CTNNA1: variants seen among roughly 807,000 people sequenced by gnomAD.
The protein encoded by CTNNA1 is catenin alpha 1.
In CTNNA1, 37 loss-of-function variants were observed where a neutral mutation model predicts 98.4. The observed-to-expected ratio is 0.38, with a 90% CI of 0.29 to 0.49. CTNNA1 has a LOEUF of 0.49. Among genes scored for constraint, CTNNA1 ranks in the 20% least tolerant of loss-of-function variants. The pLI is 0.95. For missense variants in CTNNA1, 761 were observed against 1,147.2 expected, an observed-to-expected ratio of 0.66 and a Z score of 4.86; for synonymous variants, 404 against 413.2, an observed-to-expected ratio of 0.98 and a Z score of 0.27.
intron 9 of CTNNA1, among the ~76,000 whole-genome samples, chr5:138,897,505 G>C (rs756634419): frequency 1.3e-5 from 2 of 152,134 alleles, no homozygotes; most frequent in African/African-American, 2.4e-5. Flanking sequence ...ACACTGACCT[G>C]ACGTGACTAC....
At chr5:138,786,879 T>G (rs1018605234) in intron 3 of CTNNA1, among the ~76,000 whole-genome samples, 9 of 152,218 alleles carry the variant, frequency 5.9e-5, no homozygotes, top group Admixed American at 3.9e-4. Context: ...TCTTGGAATT[T>G]CTTAGGCAGC....
intron 11 of CTNNA1, 52 bp downstream of exon 11, chr5:138,917,950 T>C (rs1467755454): frequency 1.3e-6 from 2 of 1,579,486 alleles, no homozygotes; most frequent in Non-Finnish European, 1.7e-6. Context: ...TAATTACTTT[T>C]GTCTAAGTTG....
At chr5:138,787,271 A>T (rs1755811532) in intron 3 of CTNNA1, among the ~76,000 whole-genome samples, 1 of 152,234 alleles carries the variant, frequency 6.6e-6, no homozygotes. Context: ...TCTACTAAAA[A>T]TACAAAAAAT....
chr5:138,758,305 C>T (rs980921977), intron 1 of CTNNA1, among the ~76,000 whole-genome samples: 10 of 150,468 alleles, frequency 6.6e-5, no homozygotes, highest in Admixed American at 3.3e-4. Flanking sequence ...GGGTTCATGC[C>T]GTTCTCCTGC....
At chr5:138,900,178 T>C (rs749319101) in intron 9 of CTNNA1, among the ~76,000 whole-genome samples, 1 of 152,232 alleles carries the variant, frequency 6.6e-6, no homozygotes, top group Non-Finnish European at 1.5e-5. Context: ...TTTATTGTTA[T>C]TTTTGACTTT....
At chr5:138,823,466 C>T (rs77626370) in intron 5 of CTNNA1, among the ~76,000 whole-genome samples, 2,403 of 152,256 alleles carry the variant, frequency 0.016, 33 homozygotes, top group Non-Finnish European at 0.023. Flanking sequence ...AACTTTATGG[C>T]TTACTGACCT....
intron 7 of CTNNA1, among the ~76,000 whole-genome samples, chr5:138,842,124 A>T (rs1762323357): frequency 6.6e-6 from 1 of 152,016 alleles, no homozygotes; most frequent in Admixed American, 6.6e-5. Context: ...ACATGGCAAA[A>T]CTCTATCTCT....
At chr5:138,852,133 C>T (rs929644376) in intron 7 of CTNNA1, among the ~76,000 whole-genome samples, 1 of 152,040 alleles carries the variant, frequency 6.6e-6, no homozygotes, top group African/African-American at 2.4e-5. Flanking sequence ...ATTAGTAGTG[C>T]TATAGTTCTG....
intron 13 of CTNNA1, among the ~76,000 whole-genome samples, chr5:138,928,195 C>A (rs1764539521): frequency 6.6e-6 from 1 of 152,230 alleles, no homozygotes; most frequent in South Asian, 2.1e-4. Flanking sequence ...AGCGCCAACC[C>A]CAGCTGTTCT....
intron 5 of CTNNA1, among the ~76,000 whole-genome samples, chr5:138,815,211 T>C (rs1472233199): frequency 1.3e-5 from 2 of 152,202 alleles, no homozygotes; most frequent in Non-Finnish European, 2.9e-5. Context: ...CTTATGTATT[T>C]TTTTCATGTG....
intron 11 of CTNNA1, among the ~76,000 whole-genome samples, chr5:138,922,928 A>G (rs1763212204): frequency 7.3e-6 from 1 of 136,662 alleles, no homozygotes; most frequent in Admixed American, 7.1e-5. Context: ...GTCTAAATGG[A>G]TTAAAAAAAA....
chr5:138,813,497 C>T (rs1759062242), intron 5 of CTNNA1, among the ~76,000 whole-genome samples: 1 of 152,176 alleles, frequency 6.6e-6, no homozygotes, highest in South Asian at 2.1e-4. Flanking sequence ...AAACACCCGA[C>T]AAAAGGTCTG....
intron 1 of CTNNA1, among the ~76,000 whole-genome samples, chr5:138,755,439 A>C (rs999564574): frequency 3.9e-5 from 6 of 152,008 alleles, no homozygotes; most frequent in Non-Finnish European, 8.8e-5. Flanking sequence ...CTTTTGACTC[A>C]TCTCAGTTTC....
chr5:138,803,356 A>G (rs79799962), intron 3 of CTNNA1, among the ~76,000 whole-genome samples: 64 of 152,036 alleles, frequency 4.2e-4, no homozygotes, highest in African/African-American at 1.2e-3. Context: ...AGGTCTCACA[A>G]TGTTACGTAG....
At chr5:138,861,694 A>G (rs1057119374) in intron 7 of CTNNA1, among the ~76,000 whole-genome samples, 3 of 152,220 alleles carry the variant, frequency 2.0e-5, no homozygotes, top group African/African-American at 7.2e-5. Flanking sequence ...TAAAAAGGGT[A>G]CGTCTTAAAT....
intron 1 of CTNNA1, among the ~76,000 whole-genome samples, chr5:138,777,265 C>T (rs1488317778): frequency 1.7e-3 from 228 of 134,780 alleles, no homozygotes; most frequent in Middle Eastern, 3.7e-3. Context: ...CGATGGGCGG[C>T]CGGGCAGAGA....
At chr5:138,906,216 A>G (rs1759224584) in intron 10 of CTNNA1, among the ~76,000 whole-genome samples, 1 of 152,130 alleles carries the variant, frequency 6.6e-6, no homozygotes, top group African/African-American at 2.4e-5. Context: ...CCCATTGTGA[A>G]TTCACATCAT....
In CTNNA1 at chr5:138,934,981, T is replaced by C. The variant is rs1434235959; in HGVS notation, c.*892T>C. The C allele has an allele frequency of 6.6e-6, 1 of 152,300 alleles. No individual in the cohort carries two copies. Among genetic ancestry groups the C allele is most frequent in the Non-Finnish European group, 1.5e-5 (1 of 68,044 alleles). The allele number at this position is 152,300 out of a possible 1,614,324, so 9.4% of individuals were successfully genotyped here. A position where few individuals can be genotyped will look rare whatever the true frequency, so the allele number is the denominator to read the frequency against. The stretch of plus-strand genomic sequence containing the variant: ...TTTAAATTTTATGAATTAATTTGAA[T>C]GTTTTTTACACTAACTAACTTTTCC... On this transcript the variant is annotated 3_prime_UTR_variant, in exon 18 of 18. Coordinates refer to ENST00000302763, the MANE Select transcript of CTNNA1 (RefSeq NM_001903.5).
At chr5:138,779,946 A>G (rs1754867520) in intron 1 of CTNNA1, among the ~76,000 whole-genome samples, 1 of 151,668 alleles carries the variant, frequency 6.6e-6, no homozygotes, top group African/African-American at 2.4e-5. Context: ...TTTGTTTTTT[A>G]ATTTGCCAAC....
Sources: gnomAD v4.1 joint callset for allele counts (sites outside exome capture counted in the v4.1 genomes callset) on GRCh38, gnomAD v4.1.1 for gene constraint, MANE v1.5 for transcripts, NCBI Gene and HGNC (gene_info 2026-07-23, HGNC 2026-07-21) for gene names.